XKR4: variants seen among roughly 807,000 people sequenced by gnomAD.
XKR4 encodes XK-related protein 4.
A neutral mutation model predicts 53.9 loss-of-function variants in XKR4; 12 were observed. The ratio of observed to expected loss-of-function variants is 0.22; its 90% CI spans 0.14 to 0.36. The LOEUF is 0.36. Among genes scored for constraint, XKR4 ranks in the 10% least tolerant of loss-of-function variants. The pLI is 1.00. For missense variants in XKR4, 799 were observed against 859.5 expected, an observed-to-expected ratio of 0.93 and a Z score of 0.88; for synonymous variants, 354 against 362.4, an observed-to-expected ratio of 0.98 and a Z score of 0.26.
chr8:55,358,093 C>T (rs150580795), intron 2 of XKR4, among the ~76,000 whole-genome samples: 61 of 152,138 alleles, frequency 4.0e-4, no homozygotes, highest in Middle Eastern at 3.4e-3. Context: ...TCCAGCTGTC[C>T]TCTTAGTAGG....
At chr8:55,139,555 A>T (rs151208768) in intron 1 of XKR4, among the ~76,000 whole-genome samples, 2 of 150,996 alleles carry the variant, frequency 1.3e-5, no homozygotes, top group Admixed American at 6.6e-5. Flanking sequence ...CTTTGGCCCT[A>T]ACGGAAATAG....
At chr8:55,149,926 C>A (rs540561563) in intron 1 of XKR4, among the ~76,000 whole-genome samples, 46 of 152,270 alleles carry the variant, frequency 3.0e-4, no homozygotes, top group Non-Finnish European at 2.9e-5. Flanking sequence ...TTGACACATT[C>A]TTTATATTGG....
At position 55,531,979 on chromosome 8, in the gene XKR4, T is replaced by G. The variant is rs1806960124; in HGVS notation, c.*7752T>G. On this transcript the variant is annotated 3_prime_UTR_variant, in exon 3 of 3. Coordinates refer to ENST00000327381, the MANE Select transcript of XKR4 (RefSeq NM_052898.2). ...CTTCCTGGGGAAACCCACACTGGCT[T>G]TGGACCCGATTGCATTCTCTCCTGA... The G allele has an allele frequency of 6.6e-6, 1 of 152,318 alleles. No homozygotes were observed. 9.4% of individuals were successfully genotyped at this position (152,318 alleles called of 1,614,324 possible). A position where few individuals can be genotyped will look rare whatever the true frequency, so the allele number is the denominator to read the frequency against.
At chr8:55,290,412 G>A (rs1007234101) in intron 1 of XKR4, among the ~76,000 whole-genome samples, 2 of 152,052 alleles carry the variant, frequency 1.3e-5, no homozygotes, top group Non-Finnish European at 2.9e-5. Context: ...TTACAGGCAC[G>A]AGCCACTTTA....
chr8:55,208,047 T>C (rs1361245687), intron 1 of XKR4, among the ~76,000 whole-genome samples: 1 of 152,236 alleles, frequency 6.6e-6, no homozygotes, highest in African/African-American at 2.4e-5. Context: ...ATGTTTTTTA[T>C]TATTATGTTT....
intron 2 of XKR4, among the ~76,000 whole-genome samples, chr8:55,428,247 G>A (rs1805046142): frequency 6.6e-6 from 1 of 152,084 alleles, no homozygotes; most frequent in African/African-American, 2.4e-5. Context: ...GGGACTTTTG[G>A]CGCCCAATGA....
At chr8:55,514,092 T>C (rs888019084) in intron 2 of XKR4, among the ~76,000 whole-genome samples, 1 of 152,176 alleles carries the variant, frequency 6.6e-6, no homozygotes, top group Non-Finnish European at 1.5e-5. Context: ...ACAGAAAAAG[T>C]GTGCCACCCC....
At chr8:55,329,741 T>G (rs1803355563) in intron 1 of XKR4, among the ~76,000 whole-genome samples, 1 of 152,156 alleles carries the variant, frequency 6.6e-6, no homozygotes, top group Non-Finnish European at 1.5e-5. Context: ...AATCCACTCA[T>G]GCAAATAAAT....
At chr8:55,390,008 C>T (rs889637215) in intron 2 of XKR4, among the ~76,000 whole-genome samples, 2 of 152,072 alleles carry the variant, frequency 1.3e-5, no homozygotes, top group Non-Finnish European at 2.9e-5. Flanking sequence ...CTGAAATGCC[C>T]CTCAGTCCTA....
chr8:55,357,684 C>T lies in XKR4; in HGVS notation c.813C>T (p.Phe271=). 2 of 1,614,064 alleles carry T rather than the reference C, an allele frequency of 1.2e-6. No individual in the cohort carries two copies. Among genetic ancestry groups the T allele is most frequent in the Non-Finnish European group, 1.7e-6 (2 of 1,179,944 alleles). The change falls in exon 2 of 3, where the codon TTC becomes TTT. Residue 271 remains phenylalanine (F), a synonymous_variant. Transcript: ENST00000327381. ...ILQLGQIWRY[F]HTIYLGIRSR... is the part of the protein sequence containing the mutation. ...CTCCATGTTTTCTTTCTAGATATTT[C>T]CACACAATATACTTAGGTATTCGAA...
intron 1 of XKR4, among the ~76,000 whole-genome samples, chr8:55,310,462 C>A (rs1819373239): frequency 6.6e-6 from 1 of 152,150 alleles, no homozygotes; most frequent in African/African-American, 2.4e-5. Context: ...GATAAGCACT[C>A]CATAAATATT....
chr8:55,507,808 T>A (rs1585611545), intron 2 of XKR4, among the ~76,000 whole-genome samples: 1 of 152,336 alleles, frequency 6.6e-6, no homozygotes, highest in East Asian at 1.9e-4. Flanking sequence ...GCAATAAACA[T>A]ACGTGTGCAT....
At chr8:55,149,932 A>G (rs1816819348) in intron 1 of XKR4, among the ~76,000 whole-genome samples, 1 of 152,178 alleles carries the variant, frequency 6.6e-6, no homozygotes. Flanking sequence ...CATTCTTTAT[A>G]TTGGAAAGGC....
intron 1 of XKR4, among the ~76,000 whole-genome samples, chr8:55,207,856 C>G (rs183815608): frequency 5.8e-4 from 89 of 152,220 alleles, no homozygotes; most frequent in Non-Finnish European, 7.9e-4. Flanking sequence ...GTGTCTAGAC[C>G]TCACCTCCAG....
rs1322088154 is a variant in XKR4, at chr8:55,531,682, C to T, written c.*7455C>T. 5 of 152,058 alleles carry T rather than the reference C, an allele frequency of 3.3e-5. No homozygotes were observed. Among genetic ancestry groups the T allele is most frequent in the African/African-American group, 9.7e-5 (4 of 41,402 alleles). The allele number at this position is 152,058 out of a possible 1,614,324, so 9.4% of individuals were successfully genotyped here. ...AATCATTTTTGGATAAACTTTGAAG[C>T]GATTCTTGAGAACTTATTTCAAGAA... On this transcript the variant is annotated 3_prime_UTR_variant, in exon 3 of 3. Coordinates refer to ENST00000327381, the MANE Select transcript of XKR4 (RefSeq NM_052898.2).
chr8:55,212,500 T>C (rs1817744325), intron 1 of XKR4, among the ~76,000 whole-genome samples: 1 of 152,212 alleles, frequency 6.6e-6, no homozygotes, highest in Admixed American at 6.5e-5. Flanking sequence ...TGGTCAGCTG[T>C]GCCTAAATTC....
chr8:55,182,409 A>G (rs1393038752), intron 1 of XKR4, among the ~76,000 whole-genome samples: 2 of 151,654 alleles, frequency 1.3e-5, no homozygotes, highest in African/African-American at 2.4e-5. Context: ...TTTCTACTAT[A>G]TTTTCTTCTA....
chr8:55,323,637 TA>T (rs1260063326), intron 1 of XKR4, among the ~76,000 whole-genome samples: 1 of 152,244 alleles, frequency 6.6e-6, no homozygotes, highest in Non-Finnish European at 1.5e-5. Context: ...TAATTTTGAA[TA>T]AAAACCTCTG....
chr8:55,451,392 T>A, intron 2 of XKR4: 1 of 809,736 alleles, frequency 1.2e-6, no homozygotes, highest in South Asian at 1.6e-5. Flanking sequence ...AGCCGCTAAG[T>A]GTGTTGCGTC....
Sources: gnomAD v4.1 joint callset for allele counts (sites outside exome capture counted in the v4.1 genomes callset) on GRCh38, gnomAD v4.1.1 for gene constraint, MANE v1.5 for transcripts, NCBI Gene and HGNC (gene_info 2026-07-23, HGNC 2026-07-21) for gene names.